PRKCB: variants seen among roughly 807,000 people sequenced by gnomAD.
PRKCB encodes the protein protein kinase C beta type.
In PRKCB, 13 loss-of-function variants were observed where a neutral mutation model predicts 81.5. The observed-to-expected ratio is 0.16, with a 90% CI of 0.10 to 0.25. The LOEUF (loss-of-function observed/expected upper bound fraction) is 0.25, where lower values mean the gene tolerates loss of function less well. PRKCB is among the 10% of genes least tolerant of loss of function. PRKCB has a pLI of 1.00. For synonymous variants in PRKCB, 335 were observed against 321.4 expected, an observed-to-expected ratio of 1.04 and a Z score of -0.45; for missense variants, 509 against 875.7, an observed-to-expected ratio of 0.58 and a Z score of 5.29.
intron 16 of PRKCB, among the ~76,000 whole-genome samples, chr16:24,206,741 G>T (rs1028050053): frequency 6.6e-6 from 1 of 152,146 alleles, no homozygotes; most frequent in Non-Finnish European, 1.5e-5. Flanking sequence ...CCCATGCAGT[G>T]GCCTGTGTGT....
At chr16:23,893,065 G>A (rs1331795643) in intron 2 of PRKCB, 2 of 152,080 alleles carry the variant, frequency 1.3e-5, no homozygotes, top group Admixed American at 6.6e-5. Flanking sequence ...CTGATGGAGT[G>A]TGCTGGAGAC....
In PRKCB at chr16:24,072,042, C is replaced by T. The variant is rs146684286; in HGVS notation, c.530-20749C>T. 6.6e-4 allele frequency among the ~76,000 whole-genome samples: 101 copies of T among 151,976 alleles called. No individual in the cohort carries two copies. In the East Asian group the frequency reaches 0.018, roughly 28 times the overall value. On this transcript the variant is annotated intron_variant, in intron 5 of 16. Coordinates refer to ENST00000643927, the MANE Select transcript of PRKCB (RefSeq NM_002738.7). ...TAGAGTTTAACCCCCACCCCACCCC[C>T]GCCTTTTGTTTTTAAAAATTTGCTG...
At chr16:24,067,537 C>A (rs1318478461) in intron 5 of PRKCB, among the ~76,000 whole-genome samples, 1 of 152,100 alleles carries the variant, frequency 6.6e-6, no homozygotes, top group Non-Finnish European at 1.5e-5. Flanking sequence ...GAGCTCAAGC[C>A]GTCTGCCCAT....
chr16:24,065,123 G>A (rs1187091921), intron 5 of PRKCB, among the ~76,000 whole-genome samples: 2 of 149,924 alleles, frequency 1.3e-5, no homozygotes, highest in East Asian at 1.9e-4. Flanking sequence ...TTTAGAGTGT[G>A]TCTTTTATAA....
chr16:23,943,942 G>A (rs894655584), intron 2 of PRKCB, among the ~76,000 whole-genome samples: 1 of 152,142 alleles, frequency 6.6e-6, no homozygotes, highest in Non-Finnish European at 1.5e-5. Context: ...TGCCTCGCGT[G>A]CTCCTGGCAT....
chr16:24,079,333 G>A (rs923590296), intron 5 of PRKCB, among the ~76,000 whole-genome samples: 2 of 152,208 alleles, frequency 1.3e-5, no homozygotes, highest in African/African-American at 2.4e-5. Flanking sequence ...TGGCAGTGTT[G>A]CAAAACCCTC....
At chr16:23,917,086 T>C (rs996548802) in intron 2 of PRKCB, among the ~76,000 whole-genome samples, 2 of 151,886 alleles carry the variant, frequency 1.3e-5, no homozygotes, top group African/African-American at 4.8e-5. Context: ...TCTCATTCTA[T>C]TTTTATTTAT....
chr16:23,860,932 T>C (rs1208927803), intron 2 of PRKCB, among the ~76,000 whole-genome samples: 2 of 152,068 alleles, frequency 1.3e-5, no homozygotes, highest in Admixed American at 6.6e-5. Context: ...TTTTTTCTTT[T>C]AATTCTTCGG....
rs1968271373 is a variant in PRKCB at position 24,218,674 on chromosome 16, C to T, written c.*3858C>T. 30 of 985,426 alleles carry T rather than the reference C, an allele frequency of 3.0e-5. No homozygotes were observed. The highest frequency in any genetic ancestry group is 3.6e-5 in the Non-Finnish European group (30 of 829,944). The allele number at this position is 985,426 out of a possible 1,614,324, so 61.0% of individuals were successfully genotyped here. On this transcript the variant is annotated 3_prime_UTR_variant, in exon 17 of 17. Coordinates refer to ENST00000643927, the MANE Select transcript of PRKCB (RefSeq NM_002738.7). Reference sequence around the variant, plus strand: ...TGAGAGATCCTTAACAGCTAGTGCCCATTAGGGGGCTAAACCTAAAGCCTG... The same window carrying T: ...TGAGAGATCCTTAACAGCTAGTGCCTATTAGGGGGCTAAACCTAAAGCCTG...
At chr16:24,109,439 C>G (rs1279701136) in intron 7 of PRKCB, among the ~76,000 whole-genome samples, 7 of 118,278 alleles carry the variant, frequency 5.9e-5, no homozygotes, top group Non-Finnish European at 1.2e-4. Context: ...GGGTTGCGGC[C>G]GGGCAGAGGT....
At chr16:24,113,130 C>T (rs989762245) in intron 8 of PRKCB, 61 bp downstream of exon 8, 31 of 1,232,210 alleles carry the variant, frequency 2.5e-5, no homozygotes, top group Non-Finnish European at 3.2e-5. Flanking sequence ...CTTCTTTCCT[C>T]CTGCTCCCTC....
intron 2 of PRKCB, among the ~76,000 whole-genome samples, chr16:23,939,306 C>A (rs1304322869): frequency 6.6e-6 from 1 of 152,130 alleles, no homozygotes; most frequent in African/African-American, 2.4e-5. Flanking sequence ...TAGCAGCTAT[C>A]CCCAAATTGA....
At chr16:24,139,980 T>C (rs1966883905) in intron 9 of PRKCB, among the ~76,000 whole-genome samples, 1 of 152,212 alleles carries the variant, frequency 6.6e-6, no homozygotes, top group Non-Finnish European at 1.5e-5. Context: ...AGGTACGTCT[T>C]CACTTGGCAG....
chr16:23,987,403 G>GT (rs1021065276), intron 2 of PRKCB, among the ~76,000 whole-genome samples: 9 of 138,930 alleles, frequency 6.5e-5, no homozygotes, highest in Admixed American at 4.6e-4. Context: ...GGTTGGGGTG[G>GT]GGGGGGGTGT....
chr16:24,116,872 C>G (rs772891404), intron 8 of PRKCB, among the ~76,000 whole-genome samples: 3 of 152,000 alleles, frequency 2.0e-5, no homozygotes, highest in Non-Finnish European at 2.9e-5. Context: ...TTTTTTCTGT[C>G]CTGGGGCAGC....
intron 10 of PRKCB, among the ~76,000 whole-genome samples, chr16:24,170,787 T>G (rs1391148517): frequency 6.6e-6 from 1 of 152,230 alleles, no homozygotes; most frequent in African/African-American, 2.4e-5. Context: ...ATGAAGTATC[T>G]TTGGCACCAA....
intron 12 of PRKCB, among the ~76,000 whole-genome samples, chr16:24,180,456 C>A (rs191654033): frequency 5.3e-5 from 8 of 152,190 alleles, no homozygotes; most frequent in Admixed American, 2.0e-4. Context: ...AAGGAAAATT[C>A]TTGGAATTTT....
chr16:23,854,733 C>A (rs1433923649), intron 2 of PRKCB, among the ~76,000 whole-genome samples: 2 of 151,180 alleles, frequency 1.3e-5, no homozygotes, highest in African/African-American at 4.9e-5. Context: ...AATAGAGATG[C>A]CTCCTCTTGA....
At chr16:23,960,430 T>C (rs1298210830) in intron 2 of PRKCB, among the ~76,000 whole-genome samples, 5 of 152,162 alleles carry the variant, frequency 3.3e-5, no homozygotes, top group Admixed American at 3.3e-4. Context: ...CTTTGTGTTT[T>C]TGAATTGAAG....
Sources: gnomAD v4.1 joint callset for allele counts (sites outside exome capture counted in the v4.1 genomes callset) on GRCh38, gnomAD v4.1.1 for gene constraint, MANE v1.5 for transcripts, NCBI Gene and HGNC (gene_info 2026-07-23, HGNC 2026-07-21) for gene names.